SUSD6: variants seen among roughly 807,000 people sequenced by gnomAD.
SUSD6 encodes the protein sushi domain containing 6, also known as sushi domain-containing protein 6.
In SUSD6, 16 loss-of-function variants were observed where a neutral mutation model predicts 28.4. The observed-to-expected ratio is 0.56, with a 90% confidence interval of 0.38 to 0.86. The LOEUF is 0.86. SUSD6 is among the 40% of genes least tolerant of loss of function. The pLI is 0.00. For synonymous variants in SUSD6, 147 were observed against 159.6 expected, an observed-to-expected ratio of 0.92 and a Z score of 0.59; for missense variants, 341 against 384.2, an observed-to-expected ratio of 0.89 and a Z score of 0.94.
chr14:69,681,966 T>C (rs1392777268), intron 2 of SUSD6, among the ~76,000 whole-genome samples: 1 of 152,178 alleles, frequency 6.6e-6, no homozygotes, highest in African/African-American at 2.4e-5. Flanking sequence ...GTTTCTTTTG[T>C]GGGTAATGCT....
chr14:69,697,049 G>A (rs1216136253), intron 2 of SUSD6, among the ~76,000 whole-genome samples: 5 of 152,194 alleles, frequency 3.3e-5, no homozygotes, highest in Non-Finnish European at 5.9e-5. Flanking sequence ...AGATTTCCAG[G>A]AAAGGGGTGG....
chr14:69,617,356 T>C (rs1884974322), intron 1 of SUSD6: 1 of 152,202 alleles, frequency 6.6e-6, no homozygotes, highest in Non-Finnish European at 1.5e-5. Context: ...TTCTCCTAGG[T>C]TATGCAGTTT....
chr14:69,668,140 T>G (rs1247029544), intron 2 of SUSD6, among the ~76,000 whole-genome samples: 1 of 152,134 alleles, frequency 6.6e-6, no homozygotes, highest in African/African-American at 2.4e-5. Context: ...GTCCCCAGCC[T>G]TCTGGGGAGG....
intron 1 of SUSD6, among the ~76,000 whole-genome samples, chr14:69,653,267 T>C (rs759294630): frequency 9.2e-5 from 14 of 152,182 alleles, no homozygotes; most frequent in Admixed American, 1.3e-4. Context: ...GGCCTCCTGC[T>C]ACCACCAGGT....
chr14:69,678,925 G>A (rs547234413), intron 2 of SUSD6, among the ~76,000 whole-genome samples: 80 of 152,344 alleles, frequency 5.3e-4, no homozygotes, highest in African/African-American at 1.8e-3. Context: ...CACCTGGCAG[G>A]AGAGTTCCGG....
intron 1 of SUSD6, among the ~76,000 whole-genome samples, chr14:69,638,029 T>C (rs1885290298): frequency 6.6e-6 from 1 of 152,216 alleles, no homozygotes; most frequent in African/African-American, 2.4e-5. Context: ...TTTTGTTAAC[T>C]CTGTGTGTGT....
rs146722807 is a variant in SUSD6 at position 69,661,341 on chromosome 14, A to C, written c.121+2628A>C. Among the ~76,000 whole-genome samples the C allele has an allele frequency of 2.3e-4, 35 of 152,244 alleles. No homozygotes were observed. In the East Asian group the frequency reaches 6.6e-3, roughly 29 times the overall value. ...GCTTCCCACTCAAGATCCGAAATCC[A>C]TTATCAGGTTCCATACTGGCTGGAT... On this transcript the variant is annotated intron_variant, in intron 2 of 5. Transcript: ENST00000342745.
chr14:69,620,331 G>A (rs1270274506), intron 1 of SUSD6, among the ~76,000 whole-genome samples: 1 of 152,174 alleles, frequency 6.6e-6, no homozygotes, highest in African/African-American at 2.4e-5. Context: ...CCGATAATCT[G>A]GTTAGGCTAT....
intron 2 of SUSD6, among the ~76,000 whole-genome samples, chr14:69,660,403 A>C (rs1270022187): frequency 6.6e-6 from 1 of 152,206 alleles, no homozygotes; most frequent in African/African-American, 2.4e-5. Context: ...AGGCATGAGG[A>C]GCCCCTGGCA....
chr14:69,691,217 C>T (rs1886148432), intron 2 of SUSD6, among the ~76,000 whole-genome samples: 1 of 152,124 alleles, frequency 6.6e-6, no homozygotes, highest in Non-Finnish European at 1.5e-5. Flanking sequence ...GTGGTGTGCA[C>T]CTGTAATCCC....
rs1403610106 is a variant in SUSD6 at position 69,704,845 on chromosome 14, CTG to C, written c.458+111_458+112del. 1.2e-4 allele frequency: 148 copies of C among 1,271,652 alleles called. No individual in the cohort carries two copies. In the South Asian group the frequency reaches 1.9e-3, roughly 17 times the overall value. The allele number at this position is 1,271,652 out of a possible 1,614,324, so 78.8% of individuals were successfully genotyped here. On this transcript the variant is annotated intron_variant, in intron 4 of 5. Transcript: ENST00000342745. Reference sequence around the variant, plus strand: ...GCTGGTGGCCCCAATCTCTGTGGGTCTGTGTGTGTCCAGGGAGTGGGGAGGGC... The same window carrying C: ...GCTGGTGGCCCCAATCTCTGTGGGTCTGTGTGTCCAGGGAGTGGGGAGGGC...
At chr14:69,671,904 A>G (rs1885838454) in intron 2 of SUSD6, among the ~76,000 whole-genome samples, 1 of 152,214 alleles carries the variant, frequency 6.6e-6, no homozygotes, top group South Asian at 2.1e-4. Context: ...GCATTCAGAA[A>G]ATCTGTCACC....
rs1401503521 is a variant in SUSD6 at position 69,687,432 on chromosome 14, C to CA, written c.122-15962dup. ...GGCCTAGCTTATGATTTTAAGCTGT[C>CA]AGATGGGCTTTTATTTAAAAGACTG... is the stretch of plus-strand genomic sequence containing the variant. On this transcript the variant is annotated intron_variant, in intron 2 of 5. Transcript: ENST00000342745. Among the ~76,000 whole-genome samples the CA allele has an allele frequency of 3.9e-5, 6 of 152,190 alleles. 1 individual carries two copies. The highest frequency in any genetic ancestry group is 7.3e-5 in the Non-Finnish European group (5 of 68,044).
chr14:69,695,299 A>G (rs1886209518), intron 2 of SUSD6, among the ~76,000 whole-genome samples: 2 of 152,144 alleles, frequency 1.3e-5, no homozygotes, highest in Non-Finnish European at 2.9e-5. Flanking sequence ...GGCTCTCACC[A>G]CAAGTCCACA....
chr14:69,676,342 C>T (rs1380717456), intron 2 of SUSD6, among the ~76,000 whole-genome samples: 1 of 151,468 alleles, frequency 6.6e-6, no homozygotes, highest in African/African-American at 2.4e-5. Context: ...CCAGTATCCT[C>T]TGGGGTGATG....
At chr14:69,687,533 T>A (rs1283858619) in intron 2 of SUSD6, among the ~76,000 whole-genome samples, 1 of 152,242 alleles carries the variant, frequency 6.6e-6, no homozygotes, top group African/African-American at 2.4e-5. Flanking sequence ...CACCAAAAAA[T>A]AAACCAGCTC....
At chr14:69,698,743 T>C (rs1028869602) in intron 2 of SUSD6, among the ~76,000 whole-genome samples, 4 of 152,198 alleles carry the variant, frequency 2.6e-5, no homozygotes, top group East Asian at 3.8e-4. Context: ...ATCTGCATTG[T>C]TACCAGGGTG....
chr14:69,708,377 A>G (rs934635952), intron 4 of SUSD6, among the ~76,000 whole-genome samples: 1 of 152,190 alleles, frequency 6.6e-6, no homozygotes, highest in Non-Finnish European at 1.5e-5. Context: ...CCCAGAGGTT[A>G]AGAACACAGT....
chr14:69,706,939 C>G (rs191945555), intron 4 of SUSD6, among the ~76,000 whole-genome samples: 1 of 151,832 alleles, frequency 6.6e-6, no homozygotes, highest in Admixed American at 6.6e-5. Flanking sequence ...TGGCCTGAAT[C>G]CAATGCTGAG....
Sources: gnomAD v4.1 joint callset for allele counts (sites outside exome capture counted in the v4.1 genomes callset) on GRCh38, gnomAD v4.1.1 for gene constraint, MANE v1.5 for transcripts, NCBI Gene and HGNC (gene_info 2026-07-23, HGNC 2026-07-21) for gene names.